Variants in OSTN observed in about 807,000 individuals in gnomAD.
The protein encoded by OSTN is osteocrin.
OSTN carries 9 observed loss-of-function variants against 12.0 expected under a neutral mutation model. That is an observed-to-expected ratio of 0.75 (90% CI 0.45 to 1.30). OSTN has a LOEUF of 1.30. OSTN is among the 50% of genes most tolerant of loss of function. The pLI is 0.00. For missense variants in OSTN, 148 were observed against 152.3 expected (o/e 0.97, Z 0.15); for synonymous variants, 59 against 56.9 (o/e 1.04, Z -0.16).
intron 1 of OSTN, among the ~76,000 whole-genome samples, chr3:191,206,848 A>G (rs1714288038): frequency 6.6e-6 from 1 of 151,986 alleles, no homozygotes. Context: ...AATTATTGTC[A>G]CTCTGTCATT....
At chr3:191,238,615 G>A (rs145511697) in intron 3 of OSTN, among the ~76,000 whole-genome samples, 12 of 152,316 alleles carry the variant, frequency 7.9e-5, no homozygotes, top group Non-Finnish European at 1.3e-4. Flanking sequence ...CTCAGTTCCC[G>A]AACTTAACTT....
At chr3:191,238,572 A>G (rs953517674) in intron 3 of OSTN, among the ~76,000 whole-genome samples, 1 of 152,258 alleles carries the variant, frequency 6.6e-6, no homozygotes, top group African/African-American at 2.4e-5. Flanking sequence ...TACAGCTATC[A>G]GTTTAGAAAC....
At chr3:191,233,129 G>A (rs943911476) in intron 3 of OSTN, among the ~76,000 whole-genome samples, 1 of 152,006 alleles carries the variant, frequency 6.6e-6, no homozygotes, top group Non-Finnish European at 1.5e-5. Flanking sequence ...TCCACCAGGA[G>A]ATGGAAACAA....
chr3:191,233,487 A>C (rs1441484617), intron 3 of OSTN, among the ~76,000 whole-genome samples: 1 of 151,958 alleles, frequency 6.6e-6, no homozygotes, highest in Non-Finnish European at 1.5e-5. Flanking sequence ...CCCAAGCTGG[A>C]GTGCAGTGGC....
chr3:191,239,800 T>C (rs1231471530), intron 3 of OSTN, among the ~76,000 whole-genome samples: 1 of 152,224 alleles, frequency 6.6e-6, no homozygotes. Context: ...TTGCCCAGCC[T>C]TTTATTCACT....
At chr3:191,217,094 C>T (rs950520057) in intron 2 of OSTN, 7 of 152,170 alleles carry the variant, frequency 4.6e-5, no homozygotes, top group African/African-American at 9.7e-5. Context: ...GGGGAGTCCT[C>T]GTTAAACTTA....
chr3:191,207,193 AG>A (rs1714297083), intron 1 of OSTN, among the ~76,000 whole-genome samples: 1 of 152,230 alleles, frequency 6.6e-6, no homozygotes, highest in Admixed American at 6.5e-5. Flanking sequence ...TTTTGTTCAA[AG>A]GAGACTGGAG....
intron 3 of OSTN, among the ~76,000 whole-genome samples, chr3:191,239,367 G>A (rs1480886475): frequency 1.3e-5 from 2 of 152,166 alleles, no homozygotes; most frequent in Non-Finnish European, 2.9e-5. Flanking sequence ...GCTATGGAGA[G>A]GATATTTTCT....
Position 191,210,299 on chromosome 3 carries a change from C to A in OSTN, c.1-2234C>A, listed in dbSNP as rs539584836. Among the ~76,000 whole-genome samples the A allele has an allele frequency of 1.6e-3, 246 of 152,296 alleles. 2 individuals carry two copies. Among genetic ancestry groups the A allele is most frequent in the African/African-American group, 5.7e-3 (237 of 41,572 alleles). On this transcript the variant is annotated intron_variant, in intron 1 of 4. Coordinates refer to ENST00000682035, the MANE Select transcript of OSTN (RefSeq NM_198184.2). Reference sequence around the variant, plus strand: ...CGCCTCCAATACTGGAGGCAACTCACGGCAGTGCGTTAGCAGTGGCACGCA... The same window carrying A: ...CGCCTCCAATACTGGAGGCAACTCAAGGCAGTGCGTTAGCAGTGGCACGCA...
chr3:191,256,947 C>T (rs1715685450), intron 4 of OSTN, among the ~76,000 whole-genome samples: 1 of 151,890 alleles, frequency 6.6e-6, no homozygotes. Context: ...TTTTGGAGGC[C>T]AAGGCAAGAG....
At chr3:191,254,055 C>T (rs976573659) in intron 4 of OSTN, among the ~76,000 whole-genome samples, 2 of 152,144 alleles carry the variant, frequency 1.3e-5, no homozygotes, top group Admixed American at 6.5e-5. Context: ...TATCTCAAGT[C>T]TTGTTTAGTC....
intron 4 of OSTN, among the ~76,000 whole-genome samples, chr3:191,257,568 C>A (rs1715700546): frequency 6.6e-6 from 1 of 152,162 alleles, no homozygotes; most frequent in African/African-American, 2.4e-5. Flanking sequence ...CCACCCTCAT[C>A]ATGGGCATCT....
intron 3 of OSTN, among the ~76,000 whole-genome samples, chr3:191,240,609 C>T (rs929287464): frequency 6.6e-6 from 1 of 152,174 alleles, no homozygotes; most frequent in African/African-American, 2.4e-5. Context: ...AAGCTTGACT[C>T]ATTTTTTTCC....
intron 4 of OSTN, among the ~76,000 whole-genome samples, chr3:191,262,655 A>T (rs565067893): frequency 7.2e-5 from 11 of 152,340 alleles, no homozygotes; most frequent in Admixed American, 5.9e-4. Context: ...CACCTAGCTT[A>T]TATGTTTAAA....
chr3:191,219,007 C>A, intron 3 of OSTN, 46 bp downstream of exon 3: 1 of 1,485,858 alleles, frequency 6.7e-7, no homozygotes, highest in East Asian at 2.3e-5. Context: ...TAATTATTTC[C>A]TTCTGGATTC....
At chr3:191,210,600 A>G (rs976585585) in intron 1 of OSTN, among the ~76,000 whole-genome samples, 3 of 152,198 alleles carry the variant, frequency 2.0e-5, no homozygotes, top group Non-Finnish European at 2.9e-5. Context: ...AGTAGGGTAA[A>G]ATGATACTTA....
chr3:191,232,688 C>T (rs962878095), intron 3 of OSTN, among the ~76,000 whole-genome samples: 19 of 149,446 alleles, frequency 1.3e-4, no homozygotes, highest in African/African-American at 3.9e-4. Flanking sequence ...GCTCCCTCCA[C>T]CTCCCAGTTT....
intron 3 of OSTN, among the ~76,000 whole-genome samples, chr3:191,238,330 G>T (rs944352239): frequency 6.6e-6 from 1 of 152,082 alleles, no homozygotes; most frequent in Non-Finnish European, 1.5e-5. Flanking sequence ...GAAAGAGCAT[G>T]CAGGAGGGGG....
chr3:191,219,087 G>A, intron 3 of OSTN, 126 bp downstream of exon 3: 2 of 852,524 alleles, frequency 2.3e-6, no homozygotes, highest in Non-Finnish European at 3.5e-6. Flanking sequence ...TTGACGGTAT[G>A]TTAGCTAATC....
Sources: allele counts gnomAD v4.1 joint callset (sites outside exome capture counted in the v4.1 genomes callset), GRCh38; gene constraint gnomAD v4.1.1; transcripts MANE v1.5; gene names NCBI Gene and HGNC (gene_info 2026-07-23, HGNC 2026-07-21).